Variants in ANKRD44 observed in about 807,000 individuals in gnomAD.
The protein encoded by ANKRD44 is ankyrin repeat domain 44, also known as serine/threonine-protein phosphatase 6 regulatory ankyrin repeat subunit B.
In ANKRD44, 35 loss-of-function variants were observed where a neutral mutation model predicts 116.0. The ratio of observed to expected loss-of-function variants is 0.30; its 90% confidence interval spans 0.23 to 0.40. The LOEUF is 0.40. ANKRD44 is among the 10% of genes least tolerant of loss of function. The pLI, the probability that ANKRD44 is intolerant of heterozygous loss-of-function variation, is 1.00. For synonymous variants in ANKRD44, 435 were observed against 461.8 expected, an observed-to-expected ratio of 0.94 and a Z score of 0.74; for missense variants, 1,014 against 1,242.6, an observed-to-expected ratio of 0.82 and a Z score of 2.77.
chr2:196,981,973 A>C (rs2075803920), downstream of ANKRD44, among the ~76,000 whole-genome samples: 1 of 151,060 alleles, frequency 6.6e-6, no homozygotes, highest in African/African-American at 2.4e-5. Context: ...GCCTCTGACC[A>C]TTATGTCTTG....
intron 19 of ANKRD44, 58 bp from the exon 20 acceptor site, chr2:197,007,981 T>A: frequency 9.0e-7 from 1 of 1,107,640 alleles, no homozygotes. Context: ...TATTCATCAC[T>A]ACCAGTAGGA....
At position 197,136,609 on chromosome 2, in the gene ANKRD44, C is replaced by G. The variant is rs371678804; in HGVS notation, c.244G>C (p.Val82Leu). The change falls in exon 4 of 28, where the codon GTT (valine) becomes CTT (leucine). Residue 82 changes from valine to leucine, a missense_variant. Physicochemically the swap from Val to Leu is conservative, Grantham distance 32. Coordinates refer to ENST00000282272, the MANE Select transcript of ANKRD44 (RefSeq NM_001195144.2). ...NMWLTPLHRA[V>L]ASRSEEAVQV... is the part of the protein sequence containing the mutation. ...TCACTCACTTCACTTCTGGAAGCAA[C>G]AGCCCGGTGCAGTGGAGTCAGCCAC... The G allele has an allele frequency of 6.2e-7, 1 of 1,614,024 alleles. No individual in the cohort carries two copies. The highest frequency in any genetic ancestry group is 1.7e-5 in the Admixed American group (1 of 60,004).
At position 197,248,890 on chromosome 2, in the gene ANKRD44, A is replaced by G. The variant is rs189792375; in HGVS notation, c.27+61688T>C. On this transcript the variant is annotated intron_variant, in intron 1 of 27. Transcript: ENST00000282272. ...GTAAAAGTTTTGTTTAGGGAGAACT[A>G]ATAGTTTTAGCTATGCATGAAGAAA... is the stretch of plus-strand genomic sequence containing the variant. Among the ~76,000 whole-genome samples, 30 of 152,298 alleles carry G rather than the reference A, an allele frequency of 2.0e-4. 1 individual carries two copies. In the East Asian group the frequency reaches 4.8e-3, roughly 24 times the overall value.
In ANKRD44 at chr2:197,141,686, CT is replaced by C. The variant is rs143804678; in HGVS notation, c.191-5025del. On this transcript the variant is annotated intron_variant, in intron 3 of 27. Coordinates refer to ENST00000282272, the MANE Select transcript of ANKRD44 (RefSeq NM_001195144.2). The stretch of plus-strand genomic sequence containing the variant: ...TTAAGTCCTCCATTCCTCCATTTCT[CT>C]TTTTCATGGAGGTTGAATAGGCAGC... Among the ~76,000 whole-genome samples, 670 of 152,252 alleles carry C rather than the reference CT, an allele frequency of 4.4e-3. 4 individuals are homozygous for C. Among genetic ancestry groups the C allele is most frequent in the African/African-American group, 0.015 (637 of 41,532 alleles).
At chr2:197,032,390 C>CTT (rs71012944) in intron 16 of ANKRD44, among the ~76,000 whole-genome samples, 1,561 of 140,778 alleles carry the variant, frequency 0.011, 26 homozygotes, top group Non-Finnish European at 0.018. Context: ...GGAAGTGTCA[C>CTT]TTTTTTTTTT....
intron 16 of ANKRD44, among the ~76,000 whole-genome samples, chr2:197,053,125 C>T (rs1439054443): frequency 3.3e-5 from 5 of 152,016 alleles, no homozygotes; most frequent in Non-Finnish European, 7.4e-5. Flanking sequence ...GAGCCGAGAT[C>T]GCACCACTGC....
At chr2:197,089,006 T>C in intron 11 of ANKRD44, 1 of 399,962 alleles carries the variant, frequency 2.5e-6, no homozygotes, top group Non-Finnish European at 4.4e-6. Context: ...CATTCAGCCC[T>C]GGGTGAACCA....
intron 1 of ANKRD44, among the ~76,000 whole-genome samples, chr2:197,280,780 C>T (rs995010777): frequency 6.6e-6 from 1 of 152,126 alleles, no homozygotes; most frequent in African/African-American, 2.4e-5. Flanking sequence ...AGACCTCTTT[C>T]ACCAATTAAA....
At chr2:197,275,742 A>C (rs2083061201) in intron 1 of ANKRD44, among the ~76,000 whole-genome samples, 1 of 151,758 alleles carries the variant, frequency 6.6e-6, no homozygotes, top group Non-Finnish European at 1.5e-5. Flanking sequence ...CTCTGCTGGC[A>C]TATGGGGGGT....
At chr2:197,112,419 T>C (rs2078603343) in intron 8 of ANKRD44, among the ~76,000 whole-genome samples, 1 of 152,078 alleles carries the variant, frequency 6.6e-6, no homozygotes, top group East Asian at 1.9e-4. Context: ...GTTAGAAATA[T>C]GAATTCTGGG....
chr2:197,140,283 C>T (rs974618006), intron 3 of ANKRD44, among the ~76,000 whole-genome samples: 1 of 152,120 alleles, frequency 6.6e-6, no homozygotes, highest in Non-Finnish European at 1.5e-5. Flanking sequence ...AGTTTCCCCA[C>T]ATCCTCATCA....
At chr2:196,981,940 C>T (rs1409276552), downstream of ANKRD44, among the ~76,000 whole-genome samples, 2 of 151,350 alleles carry the variant, frequency 1.3e-5, no homozygotes, top group African/African-American at 2.4e-5. Flanking sequence ...TCAGGGACAT[C>T]TTGGTCTCTT....
intron 9 of ANKRD44, among the ~76,000 whole-genome samples, chr2:197,105,994 C>A (rs1413243840): frequency 6.6e-6 from 1 of 152,100 alleles, no homozygotes; most frequent in Non-Finnish European, 1.5e-5. Flanking sequence ...AGTGTTAGAG[C>A]CTCCAGGTTT....
At chr2:197,256,390 G>C (rs1026880935) in intron 1 of ANKRD44, among the ~76,000 whole-genome samples, 2 of 152,122 alleles carry the variant, frequency 1.3e-5, no homozygotes, top group African/African-American at 4.8e-5. Context: ...CAACTTTAAT[G>C]CTCCAAAATT....
rs554397266 is a variant in ANKRD44 at position 196,999,872 on chromosome 2, C to T, written c.2519+547G>A. On this transcript the variant is annotated intron_variant, in intron 23 of 27. Coordinates refer to ENST00000282272, the MANE Select transcript of ANKRD44 (RefSeq NM_001195144.2). Reference sequence around the variant, plus strand: ...CCTCCCAAAGTGCTGGGATTACAGGCGTGAGCCACTGTACCCTGCCCAGAC... The same window carrying T: ...CCTCCCAAAGTGCTGGGATTACAGGTGTGAGCCACTGTACCCTGCCCAGAC... Among the ~76,000 whole-genome samples, 8 of 152,154 alleles carry T rather than the reference C, an allele frequency of 5.3e-5. No homozygotes were observed. The South Asian group carries it at 1.2e-3, about 24-fold the overall frequency.
chr2:197,071,328 T>A (rs1429771696), intron 16 of ANKRD44, among the ~76,000 whole-genome samples: 1 of 152,210 alleles, frequency 6.6e-6, no homozygotes, highest in Admixed American at 6.5e-5. Flanking sequence ...ATGTAACCAT[T>A]TTGTGCTAAA....
chr2:197,274,543 A>G (rs1463865430), intron 1 of ANKRD44, among the ~76,000 whole-genome samples: 1 of 152,168 alleles, frequency 6.6e-6, no homozygotes, highest in Non-Finnish European at 1.5e-5. Flanking sequence ...GGCCCAAAGC[A>G]GGACACGGTG....
chr2:196,976,768 G>A (rs1459227319), intron 21 of ANKRD44, among the ~76,000 whole-genome samples: 4 of 152,050 alleles, frequency 2.6e-5, no homozygotes, highest in Admixed American at 1.3e-4. Flanking sequence ...TTGGGTGGCT[G>A]AAGCCAGAAG....
At chr2:197,215,504 A>G (rs755592833) in intron 1 of ANKRD44, among the ~76,000 whole-genome samples, 55 of 152,162 alleles carry the variant, frequency 3.6e-4, no homozygotes, top group Non-Finnish European at 6.8e-4. Context: ...ATGTGTTTCC[A>G]ATTTTCCCAT....
Sources: gnomAD v4.1 joint callset for allele counts (sites outside exome capture counted in the v4.1 genomes callset) on GRCh38, gnomAD v4.1.1 for gene constraint, MANE v1.5 for transcripts, NCBI Gene and HGNC (gene_info 2026-07-23, HGNC 2026-07-21) for gene names.